MUC4: variants seen among roughly 807,000 people sequenced by gnomAD.
MUC4 encodes the protein mucin 4, cell surface associated, also known as mucin-4.
Under a neutral mutation model 257.9 loss-of-function variants are expected in MUC4, and 202 were observed. The ratio of observed to expected loss-of-function variants is 0.78; its 90% CI spans 0.70 to 0.88. MUC4 has a LOEUF of 0.88. Ranked by LOEUF, MUC4 falls within the 40% of genes least tolerant of loss-of-function variation. The probability of loss-of-function intolerance (pLI) is 0.00; values close to 1 mark genes in which losing one functional copy is unlikely to be tolerated. For missense variants in MUC4, 5,976 were observed against 6,513.7 expected (o/e 0.92, Z 2.84); for synonymous variants, 2,351 against 2,757.1 (o/e 0.85, Z 4.62).
Position 195,779,308 on chromosome 3 carries a change from G to A in MUC4, c.12272C>T (p.Thr4091Ile), listed in dbSNP as rs780699801. ...LPVTDASSAS[T>I]GHATPLPLTS... Reference sequence around the variant, plus strand: ...GAGAGGAAGAGGGGTGGCGTGACCGGTGGATGCTGAGGAAGCATCGGTGAC... The same window carrying A: ...GAGAGGAAGAGGGGTGGCGTGACCGATGGATGCTGAGGAAGCATCGGTGAC... Residue 4091 changes from threonine to isoleucine, a missense_variant, in exon 2 of 25, where the codon ACC becomes ATC. Thr to Ile is a moderately conservative substitution (Grantham distance 89). Coordinates refer to ENST00000463781, the MANE Select transcript of MUC4 (RefSeq NM_018406.7). 2.6e-6 allele frequency: 3 copies of A among 1,148,354 alleles called. 1 individual carries two copies. The highest frequency in any genetic ancestry group is 3.6e-6 in the Non-Finnish European group (3 of 842,480). The allele number at this position is 1,148,354 out of a possible 1,614,324, so 71.1% of individuals were successfully genotyped here. A position where few individuals can be genotyped will look rare whatever the true frequency, so the allele number is the denominator to read the frequency against.
rs566178104 is a variant in MUC4, at chr3:195,810,570, C to T, written c.82+1166G>A. 3.9e-5 allele frequency among the ~76,000 whole-genome samples: 6 copies of T among 152,234 alleles called. No homozygotes were observed. The South Asian group carries it at 8.3e-4, about 21-fold the overall frequency. On this transcript the variant is annotated intron_variant, in intron 1 of 24. Transcript: ENST00000463781. The surrounding 1 kb of genome is among the most constrained non-coding windows in gnomAD (Gnocchi z 4.2). ...GAGCCCAAGGCCAATGCCGGGGCTA[C>T]GAGCCCCAGGCAAGGCCGTGACCCA...
intron 1 of MUC4, among the ~76,000 whole-genome samples, chr3:195,793,362 C>T (rs1007210426): frequency 6.6e-6 from 1 of 151,630 alleles, no homozygotes; most frequent in Admixed American, 6.6e-5. Context: ...AATAGCTGGG[C>T]GTGGTGGTGG....
rs376884650 is a variant in MUC4, at chr3:195,790,542, C to T, written c.1038G>A (p.Pro346=). The T allele has an allele frequency of 1.8e-5, 29 of 1,613,744 alleles. No homozygotes were observed. The highest frequency in any genetic ancestry group is 1.6e-4 in the Middle Eastern group (1 of 6,084). ...SQINTLNTLT[P]VTTSTVLSSP... ...AGGATAAAACAGTTGATGTTGTAAC[C>T]GGTGTGAGGGTGTTGAGGGTGTTGA... is the stretch of plus-strand genomic sequence containing the variant. Residue 346 remains proline (P), a synonymous_variant, in exon 2 of 25, where the codon CCG becomes CCA. Transcript: ENST00000463781.
intron 7 of MUC4, among the ~76,000 whole-genome samples, chr3:195,767,739 TCACCATCGCCAC>T (rs1560264394): frequency 6.3e-3 from 20 of 3,152 alleles, no homozygotes; most frequent in Non-Finnish European, 9.4e-3. Context: ...ACCACCACCA[TCACCATCGCCAC>T]CACCACCATC....
intron 14 of MUC4, 143 bp downstream of exon 14, chr3:195,761,944 C>A (rs904727526): frequency 9.5e-7 from 1 of 1,057,206 alleles, no homozygotes; most frequent in African/African-American, 1.6e-5. Context: ...CCCTCGGCTC[C>A]CGGCCCGCTC....
intron 14 of MUC4, 66 bp downstream of exon 14, chr3:195,762,021 C>T: frequency 2.0e-6 from 3 of 1,504,068 alleles, no homozygotes; most frequent in Non-Finnish European, 2.7e-6. Flanking sequence ...CCCGGGCCGC[C>T]GGCGTGGGGG....
Position 195,771,696 on chromosome 3 carries a change from C to T in MUC4, c.13198G>A (p.Asp4400Asn), listed in dbSNP as rs1253729982. 1 of 1,613,936 alleles carries T rather than the reference C, an allele frequency of 6.2e-7. No individual in the cohort carries two copies. The highest frequency in any genetic ancestry group is 1.1e-5 in the South Asian group (1 of 91,082). The change falls in exon 5 of 25, where the codon GAC becomes AAC. Residue 4400 changes from aspartate to asparagine, a missense_variant. Asp to Asn is a conservative substitution (Grantham distance 23, BLOSUM62 1). Around this residue, in one of 44 missense-constraint regions of MUC4, gnomAD observed 996 missense variants for 1,137.3 expected, o/e 0.88. Coordinates refer to ENST00000463781, the MANE Select transcript of MUC4 (RefSeq NM_018406.7). ...CGACCAGTGGAGAAGTCAGCATCGT[C>T]CCAGAACGGAGCCACCAGGGCCACA... ...DPVALVAPFW[D>N]DADFSTGRGT...
At chr3:195,775,979 T>A (rs188029493) in intron 3 of MUC4, among the ~76,000 whole-genome samples, 1 of 5,010 alleles carries the variant, frequency 2.0e-4, no homozygotes. Flanking sequence ...ACCTTCCACA[T>A]CCATACCTTC....
rs1736790128 is a variant in MUC4 at position 195,811,837 on chromosome 3, C to G, written c.-20G>C. 1 of 1,611,976 alleles carries G rather than the reference C, an allele frequency of 6.2e-7. No homozygotes were observed. Among genetic ancestry groups the G allele is most frequent in the Non-Finnish European group, 8.5e-7 (1 of 1,178,784 alleles). ...CTTCATGGCTGCGGCAAAAGTCCCC[C>G]TGGCTCCCTGGGGAAGCTCCACGGC... On this transcript the variant is annotated 5_prime_UTR_variant, in exon 1 of 25. Transcript: ENST00000463781.
rs1229098686 is a variant in MUC4 at position 195,779,226 on chromosome 3, A to G, written c.12354T>C (p.Thr4118=). The change falls in exon 2 of 25, where the codon ACT becomes ACC. Residue 4118 remains threonine (T), a synonymous_variant. Transcript: ENST00000463781. Reference sequence around the variant, plus strand: ...TGGCCTGACCTGTGGATGCAGAGGAAGTGTCGGTGACAGGAAGAGGCGTGG... The same window carrying G: ...TGGCCTGACCTGTGGATGCAGAGGAGGTGTCGGTGACAGGAAGAGGCGTGG... ...GDTTPLPVTD[T]SSASTGQATP... is the part of the protein sequence containing the mutation. 7.9e-7 allele frequency: 1 copy of G among 1,272,658 alleles called. No individual in the cohort carries two copies. Among genetic ancestry groups the G allele is most frequent in the Non-Finnish European group, 1.1e-6 (1 of 946,914 alleles). The allele number at this position is 1,272,658 out of a possible 1,614,324, so 78.8% of individuals were successfully genotyped here. A position where few individuals can be genotyped will look rare whatever the true frequency, so the allele number is the denominator to read the frequency against.
chr3:195,810,411 C>G lies in MUC4; in HGVS notation c.82+1325G>C, dbSNP rs1332733666. 2 of 152,658 alleles carry G rather than the reference C, an allele frequency of 1.3e-5. No homozygotes were observed. Among genetic ancestry groups the G allele is most frequent in the Non-Finnish European group, 2.9e-5 (2 of 68,412 alleles). 9.5% of individuals were successfully genotyped at this position (152,658 alleles called of 1,614,324 possible). A position where few individuals can be genotyped will look rare whatever the true frequency, so the allele number is the denominator to read the frequency against. On this transcript the variant is annotated intron_variant, in intron 1 of 24. Coordinates refer to ENST00000463781, the MANE Select transcript of MUC4 (RefSeq NM_018406.7). This position sits in a 1 kb window ranked among gnomAD's most constrained non-coding sequence, Gnocchi z 4.2. ...GACTCTCCCCCAAAGACTCAGACAC[C>G]CAGAAACACAGAATAAAACTTGGTC...
intron 7 of MUC4, among the ~76,000 whole-genome samples, 195 bp from the exon 8 acceptor site, chr3:195,766,946 G>C (rs1720643389): frequency 6.6e-6 from 1 of 152,216 alleles, no homozygotes; most frequent in South Asian, 2.1e-4. Flanking sequence ...GCTGGGCAGA[G>C]GTAGGAGGCT....
At chr3:195,793,696 G>A (rs1477260689) in intron 1 of MUC4, among the ~76,000 whole-genome samples, 2 of 152,120 alleles carry the variant, frequency 1.3e-5, no homozygotes, top group East Asian at 3.8e-4. Flanking sequence ...CTAGAATGGT[G>A]AATTAACTGT....
intron 7 of MUC4, 41 bp from the exon 8 acceptor site, chr3:195,766,792 G>A (rs748471573): frequency 1.9e-6 from 3 of 1,587,050 alleles, no homozygotes; most frequent in East Asian, 4.5e-5. Context: ...GCCGTGCACA[G>A]GCTCTTGCCT....
chr3:195,752,482 C>T (rs773495705), intron 20 of MUC4, 36 bp from the exon 21 acceptor site: 33 of 1,583,798 alleles, frequency 2.1e-5, no homozygotes, highest in Admixed American at 1.7e-4. Flanking sequence ...CATCACCCCA[C>T]GGTTTACCCA....
intron 14 of MUC4, 111 bp from the exon 15 acceptor site, chr3:195,761,696 T>C: frequency 1.2e-6 from 1 of 809,626 alleles, no homozygotes; most frequent in Non-Finnish European, 2.0e-6. Flanking sequence ...CCTCTGCTCT[T>C]GCACCTGCTG....
chr3:195,774,954 G>C lies in MUC4; in HGVS notation c.12944-649C>G, dbSNP rs541599946. ...TCCAGCGCAATGAAGATGAGTAACT[G>C]CAAAGCCCTTTTCAGGGAATGAGAC... On this transcript the variant is annotated intron_variant, in intron 3 of 24. Coordinates refer to ENST00000463781, the MANE Select transcript of MUC4 (RefSeq NM_018406.7). 5.4e-4 allele frequency among the ~76,000 whole-genome samples: 82 copies of C among 151,086 alleles called. 1 individual carries two copies. The South Asian group carries it at 9.0e-3, about 17-fold the overall frequency.
chr3:195,790,886 T>A lies in MUC4; in HGVS notation c.694A>T (p.Thr232Ser), dbSNP rs1733773142. The A allele has an allele frequency of 6.2e-7, 1 of 1,614,036 alleles. No homozygotes were observed. The highest frequency in any genetic ancestry group is 1.7e-5 in the Admixed American group (1 of 60,028). The stretch of plus-strand genomic sequence containing the variant: ...GATGTCTTCTGAGAAACAGTCCCTG[T>A]CACATTGTGTACACTTGGAGAGAAA... Reference protein sequence around the residue: ...PSFSPSVHNVTGTVSQKTSPS... With the variant: ...PSFSPSVHNVSGTVSQKTSPS... Residue 232 changes from threonine (T) to serine (S), a missense_variant, in exon 2 of 25, where the codon ACA becomes TCA. Transcript: ENST00000463781.
At chr3:195,770,536 C>T in intron 5 of MUC4, 165 bp from the exon 6 acceptor site, 2 of 719,134 alleles carry the variant, frequency 2.8e-6, no homozygotes, top group Non-Finnish European at 4.6e-6. Flanking sequence ...AGGTGAAGTT[C>T]AATTCAAACT....
Sources: allele counts gnomAD v4.1 joint callset (sites outside exome capture counted in the v4.1 genomes callset), GRCh38; gene constraint gnomAD v4.1.1; regional missense constraint gnomAD v4.1.1; non-coding constraint Gnocchi (gnomAD v3.1); transcripts MANE v1.5; gene names NCBI Gene and HGNC (gene_info 2026-07-23, HGNC 2026-07-21).